SELENOK: variants seen among roughly 807,000 people sequenced by gnomAD.
SELENOK encodes selenoprotein K.
Under a neutral mutation model 17.3 loss-of-function variants are expected in SELENOK, and 11 were observed. The observed-to-expected ratio is 0.63, with a 90% confidence interval of 0.40 to 1.05. The LOEUF (loss-of-function observed/expected upper bound fraction) is 1.05. Among genes scored for constraint, SELENOK ranks in the 50% least tolerant of loss-of-function variants. SELENOK has a pLI of 0.00. For missense variants in SELENOK, 125 were observed against 113.9 expected (o/e 1.10, Z -0.44); for synonymous variants, 45 against 35.4 (o/e 1.27, Z -0.97).
Position 53,891,771 on chromosome 3 carries a change from G to T in SELENOK, c.18C>A (p.Asn6Lys). The change falls in exon 1 of 5, where the codon AAC (asparagine) becomes AAA (lysine). Residue 6 changes from asparagine (N) to lysine (K), a missense_variant and splice_region_variant. Coordinates refer to ENST00000495461, the MANE Select transcript of SELENOK (RefSeq NM_021237.5). ...AGCCACAGCCCGCTCTCAACTTACC[G>T]TTCGAGATGTAAACCATCTTGTCCC... The part of the protein sequence containing the change: MVYIS[N>K]GQVLDSRSQS... 6.2e-7 allele frequency: 1 copy of T among 1,614,012 alleles called. No individual in the cohort carries two copies. The highest frequency in any genetic ancestry group is 8.5e-7 in the Non-Finnish European group (1 of 1,179,836).
At chr3:53,887,109 C>G (rs996138415) in intron 2 of SELENOK, among the ~76,000 whole-genome samples, 175 bp from the exon 3 acceptor site, 3 of 152,220 alleles carry the variant, frequency 2.0e-5, no homozygotes, top group African/African-American at 7.2e-5. Context: ...TGTGTCTAAA[C>G]TGAATGTGCT....
chr3:53,890,202 A>G (rs1326731345), intron 1 of SELENOK, among the ~76,000 whole-genome samples: 1 of 152,214 alleles, frequency 6.6e-6, no homozygotes, highest in Non-Finnish European at 1.5e-5. Flanking sequence ...TCTGCCTCTT[A>G]CTAGCTCTGC....
rs967954723 is a variant in SELENOK at position 53,891,762 on chromosome 3, C to T, written c.19+8G>A. 4 of 1,613,884 alleles carry T rather than the reference C, an allele frequency of 2.5e-6. No homozygotes were observed. Among genetic ancestry groups the T allele is most frequent in the Non-Finnish European group, 3.4e-6 (4 of 1,179,828 alleles). ...ACCGGTCGAAGCCACAGCCCGCTCTCAACTTACCGTTCGAGATGTAAACCA... is the reference window on the plus strand; with the variant it reads ...ACCGGTCGAAGCCACAGCCCGCTCTTAACTTACCGTTCGAGATGTAAACCA... On this transcript the variant is annotated splice_region_variant and intron_variant, in intron 1 of 4. Transcript: ENST00000495461.
At chr3:53,888,534 C>A in intron 1 of SELENOK, 51 bp from the exon 2 acceptor site, 1 of 1,201,654 alleles carries the variant, frequency 8.3e-7, no homozygotes, top group Non-Finnish European at 1.2e-6. Context: ...ATCCCTAACC[C>A]AAGAGGCATC....
intron 1 of SELENOK, 41 bp from the exon 2 acceptor site, chr3:53,888,524 A>C: frequency 1.5e-6 from 2 of 1,340,312 alleles, no homozygotes; most frequent in Non-Finnish European, 2.1e-6. Context: ...AGTGCTACAA[A>C]TCCCTAACCC....
rs1700108320 is a variant in SELENOK at position 53,884,437 on chromosome 3, A to G, written c.*1121T>C. ...ATCTGTTTTCGTTTTTCCAATAAAT[A>G]TTTATTTCCAATAAATACTACATGA... On this transcript the variant is annotated 3_prime_UTR_variant, in exon 5 of 5. Coordinates refer to ENST00000495461, the MANE Select transcript of SELENOK (RefSeq NM_021237.5). 1 of 152,208 alleles carries G rather than the reference A, an allele frequency of 6.6e-6. No individual in the cohort carries two copies. The allele number at this position is 152,208 out of a possible 1,614,324, so 9.4% of individuals were successfully genotyped here.
intron 1 of SELENOK, among the ~76,000 whole-genome samples, chr3:53,889,349 A>G (rs997384856): frequency 1.3e-5 from 2 of 152,206 alleles, no homozygotes; most frequent in African/African-American, 2.4e-5. Flanking sequence ...GGAACCTCAT[A>G]AAAGAAGAAT....
chr3:53,888,427 A>G lies in SELENOK; in HGVS notation c.76T>C (p.Phe26Leu). 6.2e-7 allele frequency: 1 copy of G among 1,612,822 alleles called. No homozygotes were observed. Among genetic ancestry groups the G allele is most frequent in the African/African-American group, 1.3e-5 (1 of 75,056 alleles). Reference protein sequence around the residue: ...SPWRLSLITDFFWGIAEFVVL... With the variant: ...SPWRLSLITDLFWGIAEFVVL... The stretch of plus-strand genomic sequence containing the variant: ...ACAAACTCAGCTATTCCCCAGAAGA[A>G]ATCTGTTATCAAAGATAATCTCCAT... Residue 26 changes from phenylalanine (F) to leucine (L), a missense_variant, in exon 2 of 5, where the codon TTC (phenylalanine) becomes CTC (leucine). Coordinates refer to ENST00000495461, the MANE Select transcript of SELENOK (RefSeq NM_021237.5).
intron 1 of SELENOK, among the ~76,000 whole-genome samples, chr3:53,889,856 C>T (rs1700155218): frequency 6.6e-6 from 1 of 152,194 alleles, no homozygotes. Flanking sequence ...TAACAGCATA[C>T]TCTTAATTCT....
At position 53,885,900 on chromosome 3, in the gene SELENOK, G is replaced by T; in HGVS notation, c.207C>A (p.Asn69Lys). ...RYDDGRGPPGNPPRRMGRINH... is the reference protein window; with the variant it reads ...RYDDGRGPPGKPPRRMGRINH... ...TGATTCTACCCATTCTTCGGGGAGG[G>T]TTTCCTGGTGGCCTAATAAAATAAA... Residue 69 changes from asparagine to lysine, a missense_variant, in exon 4 of 5, where the codon AAC becomes AAA. Asn to Lys is a moderately conservative substitution (Grantham distance 94, BLOSUM62 0). Coordinates refer to ENST00000495461, the MANE Select transcript of SELENOK (RefSeq NM_021237.5). 19 of 1,532,550 alleles carry T rather than the reference G, an allele frequency of 1.2e-5. No individual in the cohort carries two copies. Among genetic ancestry groups the T allele is most frequent in the Non-Finnish European group, 1.6e-5 (18 of 1,145,626 alleles). The allele number at this position is 1,532,550 out of a possible 1,614,324, so 94.9% of individuals were successfully genotyped here.
chr3:53,888,649 G>A (rs547667658), intron 1 of SELENOK, among the ~76,000 whole-genome samples, 166 bp from the exon 2 acceptor site: 12 of 152,178 alleles, frequency 7.9e-5, no homozygotes, highest in Non-Finnish European at 1.2e-4. Flanking sequence ...GGAAAGGTTC[G>A]GAGAAGTAAT....
intron 1 of SELENOK, among the ~76,000 whole-genome samples, chr3:53,889,046 G>C (rs1456190232): frequency 7.2e-6 from 1 of 139,154 alleles, no homozygotes; most frequent in African/African-American, 2.7e-5. Flanking sequence ...GACAGAGCAA[G>C]AAAAAAAAAA....
rs202126540 is a variant in SELENOK at position 53,885,842 on chromosome 3, C to A, written c.265G>T (p.Ala89Ser). ...HLRGPSPPPM[A>S]GGUGR ...TGAAGTTACCTTCCTCATCCACCAGCCATTGGAGGGGGACTAGGGCCACGC... is the reference window on the plus strand; with the variant it reads ...TGAAGTTACCTTCCTCATCCACCAGACATTGGAGGGGGACTAGGGCCACGC... The change falls in exon 4 of 5, where the codon GCT becomes TCT. Residue 89 changes from alanine (A) to serine (S), a missense_variant. Ala to Ser is a moderately conservative substitution (Grantham distance 99). Coordinates refer to ENST00000495461, the MANE Select transcript of SELENOK (RefSeq NM_021237.5). 1.5e-4 allele frequency: 239 copies of A among 1,591,274 alleles called. No individual in the cohort carries two copies. Among genetic ancestry groups the A allele is most frequent in the Middle Eastern group, 1.0e-3 (6 of 5,868 alleles).
chr3:53,886,864 C>T lies in SELENOK; in HGVS notation c.181G>A (p.Asp61Asn), dbSNP rs1389007446. Residue 61 changes from aspartate (D) to asparagine (N), a missense_variant, in exon 3 of 5, where the codon GAT (aspartate) becomes AAT (asparagine). Physicochemically the swap from Asp to Asn is conservative, Grantham distance 23. Coordinates refer to ENST00000495461, the MANE Select transcript of SELENOK (RefSeq NM_021237.5). ...SYGNSSDSRY[D>N]DGRGPPGNPP... is the part of the protein sequence containing the mutation. Reference sequence around the variant, plus strand: ...AAAAAGCTGTACCCTCTTCCATCATCATATCTGGAATCAGATGAGTTTCCA... The same window carrying T: ...AAAAAGCTGTACCCTCTTCCATCATTATATCTGGAATCAGATGAGTTTCCA... 3 of 1,563,076 alleles carry T rather than the reference C, an allele frequency of 1.9e-6. No homozygotes were observed. The highest frequency in any genetic ancestry group is 1.9e-5 in the Admixed American group (1 of 53,218).
At position 53,885,352 on chromosome 3, in the gene SELENOK, G is replaced by C. The variant is rs1576872639; in HGVS notation, c.*206C>G. ...CAAAAAGGTAATGAGACAAACATCT[G>C]CATTTATGGAACTGCATGTCAGTCA... On this transcript the variant is annotated 3_prime_UTR_variant, in exon 5 of 5. Transcript: ENST00000495461. The C allele has an allele frequency of 2.1e-6, 1 of 482,506 alleles. No individual in the cohort carries two copies. The highest frequency in any genetic ancestry group is 3.7e-6 in the Non-Finnish European group (1 of 272,210). 29.9% of individuals were successfully genotyped at this position (482,506 alleles called of 1,614,324 possible). A position where few individuals can be genotyped will look rare whatever the true frequency, so the allele number is the denominator to read the frequency against.
At position 53,891,603 on chromosome 3, in the gene SELENOK, C is replaced by T. The variant is rs542394570; in HGVS notation, c.19+167G>A. On this transcript the variant is annotated intron_variant, in intron 1 of 4. Transcript: ENST00000495461. ...CGACTGCCGGCTCAGAGACCATCGG[C>T]TGACGCGCCGCAAGCCGAGGCGACT... Among the ~76,000 whole-genome samples the T allele has an allele frequency of 5.4e-4, 83 of 152,326 alleles. No individual in the cohort carries two copies. In the South Asian group the frequency reaches 0.017, roughly 31 times the overall value.
rs1308231649 is a variant in SELENOK at position 53,884,883 on chromosome 3, C to A, written c.*675G>T. ...AACTTAGGCGATCTGCCCGCCTCAG[C>A]CTCCCACAGTGCTGGGATTACAGGC... is the stretch of plus-strand genomic sequence containing the variant. On this transcript the variant is annotated 3_prime_UTR_variant, in exon 5 of 5. Transcript: ENST00000495461. 1.3e-5 allele frequency: 2 copies of A among 152,244 alleles called. No homozygotes were observed. The highest frequency in any genetic ancestry group is 4.8e-5 in the African/African-American group (2 of 41,464). 9.4% of individuals were successfully genotyped at this position (152,244 alleles called of 1,614,324 possible).
chr3:53,886,250 T>C (rs1182126201), intron 3 of SELENOK, among the ~76,000 whole-genome samples: 1 of 152,210 alleles, frequency 6.6e-6, no homozygotes, highest in Non-Finnish European at 1.5e-5. Context: ...TTACGGCTTT[T>C]TTTTTGAGAT....
In SELENOK at chr3:53,888,295, C is replaced by G. The variant is rs1220845202; in HGVS notation, c.110+98G>C. On this transcript the variant is annotated intron_variant, in intron 2 of 4. Coordinates refer to ENST00000495461, the MANE Select transcript of SELENOK (RefSeq NM_021237.5). ...TTTAAATTGCAATAGAAAACTGTTT[C>G]AGGAAAGTTGAGCTTATTTAAGATC... 31 of 775,108 alleles carry G rather than the reference C, an allele frequency of 4.0e-5. 1 individual carries two copies. The highest frequency in any genetic ancestry group is 6.3e-5 in the Non-Finnish European group (29 of 459,032). The allele number at this position is 775,108 out of a possible 1,614,324, so 48.0% of individuals were successfully genotyped here. A position where few individuals can be genotyped will look rare whatever the true frequency, so the allele number is the denominator to read the frequency against.
Sources: allele counts gnomAD v4.1 joint callset (sites outside exome capture counted in the v4.1 genomes callset), GRCh38; gene constraint gnomAD v4.1.1; transcripts MANE v1.5; gene names NCBI Gene and HGNC (gene_info 2026-07-23, HGNC 2026-07-21).